The following DMD variants were observed in gnomAD, a reference collection of about 807,000 sequenced individuals.
DMD encodes mutant dystrophin.
DMD carries 63 observed loss-of-function variants against 330.1 expected under a neutral mutation model. The observed-to-expected ratio is 0.19, with a 90% CI of 0.16 to 0.24. The LOEUF (loss-of-function observed/expected upper bound fraction) is 0.24, where lower values mean the gene tolerates loss of function less well. Ranked by LOEUF, DMD falls within the 10% of genes least tolerant of loss-of-function variation. The pLI, the probability that DMD is intolerant of heterozygous loss-of-function variation, is 1.00. For synonymous variants in DMD, 1,223 were observed against 959.8 expected, an observed-to-expected ratio of 1.27 and a Z score of -5.07; for missense variants, 3,344 against 2,684.1, an observed-to-expected ratio of 1.25 and a Z score of -5.43.
At chrX:32,388,036 C>A (rs779805649) in intron 32 of DMD, among the ~76,000 whole-genome samples, 15 of 111,370 alleles carry the variant, frequency 1.3e-4, no homozygotes, top group Non-Finnish European at 1.9e-4. Context: ...GTATACACCA[C>A]AAAGCATCGT....
At chrX:33,301,351 CATA>C (rs2053658488) in intron 1 of DMD, among the ~76,000 whole-genome samples, 1 of 108,815 alleles carries the variant, frequency 9.2e-6, no homozygotes, top group East Asian at 2.9e-4. Context: ...TGGCTCTCTA[CATA>C]ATGCTTAGAA....
chrX:31,145,742 A>T, intron 76 of DMD, among the ~76,000 whole-genome samples: 1 of 105,013 alleles, frequency 9.5e-6, no homozygotes, highest in Non-Finnish European at 1.9e-5. Flanking sequence ...GGCTCACTGC[A>T]ACCTCCGCCT....
At chrX:33,119,539 G>A (rs1427492600) in intron 1 of DMD, among the ~76,000 whole-genome samples, 4 of 112,442 alleles carry the variant, frequency 3.6e-5, no homozygotes, top group Non-Finnish European at 7.5e-5. Flanking sequence ...TCCAGGAAGA[G>A]GCAATAGCAG....
chrX:31,522,363 CTA>C lies in DMD; in HGVS notation c.8218-14912_8218-14911del, dbSNP rs1556678891. Among the ~76,000 whole-genome samples the C allele has an allele frequency of 9.2e-3, 332 of 35,932 alleles. 13 individuals carry two copies. Among genetic ancestry groups the C allele is most frequent in the African/African-American group, 0.04 (209 of 5,278 alleles). 31.2% of individuals were successfully genotyped at this position (35,932 alleles called of 115,157 possible). A position where few individuals can be genotyped will look rare whatever the true frequency, so the allele number is the denominator to read the frequency against. The stretch of plus-strand genomic sequence containing the variant: ...TCTCTCTCTCTCTCTCTCTCTCTCT[CTA>C]TATATATATATATATATATATAGCT... On this transcript the variant is annotated intron_variant, in intron 55 of 78. Transcript: ENST00000357033.
rs182865590 is a variant in DMD at position 32,806,423 on chromosome X, A to G, written c.649+3070T>C. Among the ~76,000 whole-genome samples the G allele has an allele frequency of 9.8e-5, 11 of 111,956 alleles. No homozygotes were observed. In the East Asian group the frequency reaches 2.5e-3, roughly 26 times the overall value. On this transcript the variant is annotated intron_variant, in intron 7 of 78. Transcript: ENST00000357033. Reference sequence around the variant, plus strand: ...AACTATCCTAAATATATATGCACCCAATACAGGAGCACCCAGATTCATAAA... The same window carrying G: ...AACTATCCTAAATATATATGCACCCGATACAGGAGCACCCAGATTCATAAA...
intron 44 of DMD, among the ~76,000 whole-genome samples, chrX:32,194,819 T>A (rs1016549377): frequency 4.5e-5 from 5 of 111,791 alleles, no homozygotes; most frequent in Admixed American, 2.9e-4. Context: ...TATAATATAT[T>A]CATTATGTGT....
At chrX:31,372,024 C>T (rs2059610528) in intron 60 of DMD, among the ~76,000 whole-genome samples, 3 of 111,783 alleles carry the variant, frequency 2.7e-5, no homozygotes, top group Non-Finnish European at 5.6e-5. Context: ...ATGTCAAGTC[C>T]TTAGCACAGT....
intron 44 of DMD, among the ~76,000 whole-genome samples, chrX:32,110,756 T>C (rs1216830927): frequency 2.7e-5 from 3 of 111,630 alleles, no homozygotes; most frequent in Non-Finnish European, 5.7e-5. Flanking sequence ...TTTGAAAAAA[T>C]GTGTTTCAGG....
At chrX:32,536,284 A>AAAAAAAAG (rs2047972541) in intron 17 of DMD, among the ~76,000 whole-genome samples, 1 of 102,651 alleles carries the variant, frequency 9.7e-6, no homozygotes, top group African/African-American at 3.5e-5. Flanking sequence ...AAAAAAAAAA[A>AAAAAAAAG]AAAACACACA....
intron 5 of DMD, 148 bp downstream of exon 5, chrX:32,823,147 A>G (rs2078413405): frequency 2.1e-6 from 1 of 468,034 alleles, no homozygotes; most frequent in Non-Finnish European, 3.8e-6. Context: ...AACATTTCAG[A>G]CGACATGGTA....
intron 29 of DMD, among the ~76,000 whole-genome samples, chrX:32,418,219 G>A: frequency 9.0e-6 from 1 of 111,315 alleles, no homozygotes; most frequent in South Asian, 3.7e-4. Context: ...GATCTATCTG[G>A]CTGAAACTAC....
At chrX:31,550,534 C>A (rs1483035267) in intron 55 of DMD, among the ~76,000 whole-genome samples, 1 of 111,784 alleles carries the variant, frequency 8.9e-6, no homozygotes, top group Non-Finnish European at 1.9e-5. Flanking sequence ...ATTATGCAAT[C>A]GGATATTAAA....
At chrX:32,591,499 G>A (rs564878150) in intron 13 of DMD, among the ~76,000 whole-genome samples, 3 of 111,782 alleles carry the variant, frequency 2.7e-5, no homozygotes, top group South Asian at 7.5e-4. Context: ...TCTTTTTATA[G>A]TCTTTTTTCA....
chrX:31,965,713 G>A (rs891505112), intron 45 of DMD, among the ~76,000 whole-genome samples: 10 of 111,466 alleles, frequency 9.0e-5, no homozygotes, highest in African/African-American at 3.3e-4. Flanking sequence ...CACCTCCTTC[G>A]TGTACAAAGA....
chrX:32,317,068 T>C (rs746681377), intron 41 of DMD, among the ~76,000 whole-genome samples: 1 of 111,466 alleles, frequency 9.0e-6, no homozygotes, highest in South Asian at 3.7e-4. Flanking sequence ...TTCTGATGTG[T>C]ACAAATCCCG....
intron 60 of DMD, among the ~76,000 whole-genome samples, chrX:31,369,958 G>GCGTGGTGGTGGAGGCC (rs1255763790): frequency 6.4e-5 from 7 of 109,982 alleles, no homozygotes; most frequent in African/African-American, 2.3e-4. Flanking sequence ...AATTAGCTGG[G>GCGTGGTGGTGGAGGCC]TGTGGTGGTG....
intron 44 of DMD, among the ~76,000 whole-genome samples, chrX:32,085,648 ATG>A (rs368423016): frequency 1.4e-5 from 1 of 71,624 alleles, no homozygotes; most frequent in African/African-American, 5.3e-5. Flanking sequence ...ACGTATATAT[ATG>A]TGTGTATATA....
chrX:32,167,545 CATCTT>C (rs1161313809), intron 44 of DMD, among the ~76,000 whole-genome samples: 6 of 112,270 alleles, frequency 5.3e-5, no homozygotes, highest in Non-Finnish European at 1.1e-4. Flanking sequence ...CATAACATTA[CATCTT>C]ATTATATTGA....
chrX:32,530,976 T>C (rs1187896564), intron 17 of DMD, among the ~76,000 whole-genome samples: 1 of 111,830 alleles, frequency 8.9e-6, no homozygotes, highest in Non-Finnish European at 1.9e-5. Flanking sequence ...GCCTATGTCC[T>C]TATGATAAAT....
Sources: allele counts gnomAD v4.1 joint callset (sites outside exome capture counted in the v4.1 genomes callset), GRCh38; gene constraint gnomAD v4.1.1; transcripts MANE v1.5; gene names NCBI Gene and HGNC (gene_info 2026-07-23, HGNC 2026-07-21).